The following SEPTIN9 variants were observed in gnomAD, a reference collection of about 807,000 sequenced individuals.
SEPTIN9 encodes the protein septin 9, also known as septin-9.
Under a neutral mutation model 56.6 loss-of-function variants are expected in SEPTIN9, and 13 were observed. The ratio of observed to expected loss-of-function variants is 0.23; its 90% CI spans 0.15 to 0.37. The LOEUF is 0.37. SEPTIN9 is among the 10% of genes least tolerant of loss of function. The probability of loss-of-function intolerance (pLI) is 1.00; values close to 1 mark genes in which losing one functional copy is unlikely to be tolerated. For missense variants in SEPTIN9, 650 were observed against 823.1 expected, an observed-to-expected ratio of 0.79 and a Z score of 2.57; for synonymous variants, 332 against 334.1, an observed-to-expected ratio of 0.99 and a Z score of 0.07.
intron 3 of SEPTIN9, among the ~76,000 whole-genome samples, chr17:77,479,537 A>G (rs906197305): frequency 1.3e-5 from 2 of 152,260 alleles, no homozygotes; most frequent in African/African-American, 2.4e-5. Context: ...CCCTACGTCA[A>G]TGGCAAAGAT....
intron 3 of SEPTIN9, among the ~76,000 whole-genome samples, chr17:77,426,469 C>T (rs765682544): frequency 6.6e-6 from 1 of 152,112 alleles, no homozygotes; most frequent in African/African-American, 2.4e-5. Flanking sequence ...GTGCTTGGGG[C>T]GCTGACTCAT....
intron 2 of SEPTIN9, among the ~76,000 whole-genome samples, chr17:77,350,165 G>C (rs1207791786): frequency 6.6e-6 from 1 of 152,052 alleles, no homozygotes; most frequent in Non-Finnish European, 1.5e-5. Context: ...TTCTCCTCAA[G>C]TTGCCCAGCA....
chr17:77,403,569 C>T (rs532628999), intron 3 of SEPTIN9, among the ~76,000 whole-genome samples: 26 of 152,246 alleles, frequency 1.7e-4, no homozygotes, highest in Non-Finnish European at 2.6e-4. Context: ...TTCTCAGAAG[C>T]GTGCCCCCTG....
chr17:77,392,373 A>G (rs1253179725), intron 2 of SEPTIN9, among the ~76,000 whole-genome samples: 1 of 152,156 alleles, frequency 6.6e-6, no homozygotes, highest in African/African-American at 2.4e-5. Context: ...CCCCTGGTGC[A>G]TTTGAAGTTT....
At chr17:77,373,655 C>G in intron 2 of SEPTIN9, 1 of 1,479,628 alleles carries the variant, frequency 6.8e-7, no homozygotes, top group African/African-American at 1.5e-5. Flanking sequence ...CGGGAGTGCG[C>G]TGAGGGGAGA....
At chr17:77,438,896 G>A (rs2037447295) in intron 3 of SEPTIN9, among the ~76,000 whole-genome samples, 1 of 152,230 alleles carries the variant, frequency 6.6e-6, no homozygotes, top group Non-Finnish European at 1.5e-5. Flanking sequence ...GACTGCTCCA[G>A]TTCTGCAATC....
At chr17:77,331,753 C>T (rs1485048960) in intron 2 of SEPTIN9, among the ~76,000 whole-genome samples, 1 of 152,144 alleles carries the variant, frequency 6.6e-6, no homozygotes, top group African/African-American at 2.4e-5. Context: ...TGACCAGCCC[C>T]CGCACAGGCA....
intron 3 of SEPTIN9, among the ~76,000 whole-genome samples, chr17:77,412,511 C>T (rs555038166): frequency 1.6e-4 from 25 of 152,168 alleles, no homozygotes; most frequent in South Asian, 8.3e-4. Flanking sequence ...CTGAAGTGGG[C>T]GGATTGCTTG....
chr17:77,465,628 T>C (rs1166923647), intron 3 of SEPTIN9, among the ~76,000 whole-genome samples: 1 of 96,494 alleles, frequency 1.0e-5, no homozygotes, highest in Admixed American at 1.2e-4. Context: ...TGGGTGGGGC[T>C]GGGGTGGGGA....
chr17:77,302,277 A>T (rs560503421), intron 1 of SEPTIN9, among the ~76,000 whole-genome samples: 66 of 152,190 alleles, frequency 4.3e-4, no homozygotes, highest in Admixed American at 3.7e-3. Context: ...AGCCTGGGCC[A>T]CCTGAGACCC....
At chr17:77,324,429 C>T (rs146816867) in intron 2 of SEPTIN9, among the ~76,000 whole-genome samples, 2 of 152,132 alleles carry the variant, frequency 1.3e-5, no homozygotes, top group African/African-American at 4.8e-5. Context: ...CTTTTCCACT[C>T]GTTTCTGTGC....
At position 77,371,396 on chromosome 17, in the gene SEPTIN9, G is replaced by C. The variant is rs924742844; in HGVS notation, c.77-30663G>C. On this transcript the variant is annotated intron_variant, in intron 2 of 11. Coordinates refer to ENST00000427177, the MANE Select transcript of SEPTIN9 (RefSeq NM_001113491.2). This position sits in a 1 kb window ranked among gnomAD's most constrained non-coding sequence, Gnocchi z 4.1. ...AGAATGTACAATTGGCTGACCCTGT[G>C]CTAATCTGGTGGAACTCCATGCCAG... Among the ~76,000 whole-genome samples the C allele has an allele frequency of 5.3e-5, 8 of 152,358 alleles. No homozygotes were observed. Among genetic ancestry groups the C allele is most frequent in the African/African-American group, 1.9e-4 (8 of 41,584 alleles).
intron 3 of SEPTIN9, among the ~76,000 whole-genome samples, chr17:77,415,876 C>T (rs1340074734): frequency 3.3e-5 from 5 of 152,170 alleles, no homozygotes; most frequent in Non-Finnish European, 7.3e-5. Flanking sequence ...CAGGACAGCC[C>T]CAGGAGGGCA....
rs1396731599 is a variant in SEPTIN9, at chr17:77,421,240, C to G, written c.721+18537C>G. Reference sequence around the variant, plus strand: ...AGAAAACCCCAGTTAGAAGGTGTCCCCCTCTTCCTTCAGTCCCTCAGCTGC... The same window carrying G: ...AGAAAACCCCAGTTAGAAGGTGTCCGCCTCTTCCTTCAGTCCCTCAGCTGC... On this transcript the variant is annotated intron_variant, in intron 3 of 11. Transcript: ENST00000427177. The surrounding 1 kb of genome is among the most constrained non-coding windows in gnomAD (Gnocchi z 4.6). Among the ~76,000 whole-genome samples, 1 of 152,212 alleles carries G rather than the reference C, an allele frequency of 6.6e-6. No individual in the cohort carries two copies.
At chr17:77,283,054 C>A (rs2031104892) in intron 1 of SEPTIN9, among the ~76,000 whole-genome samples, 1 of 152,092 alleles carries the variant, frequency 6.6e-6, no homozygotes, top group Non-Finnish European at 1.5e-5. Flanking sequence ...GGCCCTGAGG[C>A]AGGCTTGGAG....
At position 77,486,095 on chromosome 17, in the gene SEPTIN9, C is replaced by T. The variant is rs1476004877; in HGVS notation, c.914-1329C>T. Among the ~76,000 whole-genome samples, 10 of 152,016 alleles carry T rather than the reference C, an allele frequency of 6.6e-5. 1 individual carries two copies. The highest frequency in any genetic ancestry group is 1.2e-4 in the African/African-American group (5 of 41,374). Reference sequence around the variant, plus strand: ...CCTCCCAAAGTGCTGGGATTACAGGCGTGAGCCATCTCGCCTGGCCGATTT... The same window carrying T: ...CCTCCCAAAGTGCTGGGATTACAGGTGTGAGCCATCTCGCCTGGCCGATTT... On this transcript the variant is annotated intron_variant, in intron 4 of 11. Coordinates refer to ENST00000427177, the MANE Select transcript of SEPTIN9 (RefSeq NM_001113491.2).
intron 2 of SEPTIN9, among the ~76,000 whole-genome samples, chr17:77,364,682 C>T (rs746208393): frequency 8.3e-4 from 126 of 152,326 alleles, no homozygotes; most frequent in Non-Finnish European, 1.4e-3. Context: ...TTCAGGTCAG[C>T]GAGGCTGGGG....
At position 77,415,860 on chromosome 17, in the gene SEPTIN9, C is replaced by T. The variant is rs528342799; in HGVS notation, c.721+13157C>T. 3.9e-4 allele frequency among the ~76,000 whole-genome samples: 60 copies of T among 152,246 alleles called. 1 individual carries two copies. Among genetic ancestry groups the T allele is most frequent in the East Asian group, 3.3e-3 (17 of 5,180 alleles). ...AGTGGCTCCTGGTGGCTGCGAGGAG[C>T]GTGGGCAGGACAGCCCCAGGAGGGC... On this transcript the variant is annotated intron_variant, in intron 3 of 11. Transcript: ENST00000427177.
In SEPTIN9 at chr17:77,445,904, T is replaced by C. The variant is rs2037721393; in HGVS notation, c.722-36240T>C. The C allele has an allele frequency of 5.7e-6, 1 of 174,678 alleles. No individual in the cohort carries two copies. Among genetic ancestry groups the C allele is most frequent in the South Asian group, 1.6e-4 (1 of 6,238 alleles). 10.8% of individuals were successfully genotyped at this position (174,678 alleles called of 1,614,324 possible). On this transcript the variant is annotated intron_variant, in intron 3 of 11. Coordinates refer to ENST00000427177, the MANE Select transcript of SEPTIN9 (RefSeq NM_001113491.2). This position sits in a 1 kb window ranked among gnomAD's most constrained non-coding sequence, Gnocchi z 4.7. ...CTGACGCCCCTTGAAGGGGGCACTT[T>C]CTCAGCTTTGAGATGAGTCTCTGTG...
Sources: allele counts gnomAD v4.1 joint callset (sites outside exome capture counted in the v4.1 genomes callset), GRCh38; gene constraint gnomAD v4.1.1; non-coding constraint Gnocchi (gnomAD v3.1); transcripts MANE v1.5; gene names NCBI Gene and HGNC (gene_info 2026-07-23, HGNC 2026-07-21).